The following ARHGAP39 variants were observed in gnomAD, a reference collection of about 807,000 sequenced individuals.
ARHGAP39 encodes Rho GTPase activating protein 39, also known as rho GTPase-activating protein 39.
ARHGAP39 carries 44 observed loss-of-function variants against 106.9 expected under a neutral mutation model. The observed-to-expected ratio is 0.41, with a 90% CI of 0.32 to 0.53. The LOEUF is 0.53. Among genes scored for constraint, ARHGAP39 ranks in the 20% least tolerant of loss-of-function variants. The pLI, the probability that ARHGAP39 is intolerant of heterozygous loss-of-function variation, is 0.21. For synonymous variants in ARHGAP39, 768 were observed against 693.2 expected, an observed-to-expected ratio of 1.11 and a Z score of -1.69; for missense variants, 1,496 against 1,577.3, an observed-to-expected ratio of 0.95 and a Z score of 0.87.
rs1384720071 is a variant in ARHGAP39, at chr8:144,547,794, G to A, written c.1292C>T (p.Pro431Leu). ...CTGGTCCCTCAGCAGGCAGGGGCTG[G>A]GCTGCAAGGAGTACGAACCACCGCC... ...NPGGGSYSLQ[P>L]SPCLLRDQRL... is the part of the protein sequence containing the mutation. Residue 431 changes from proline to leucine, a missense_variant, in exon 5 of 12, where the codon CCC becomes CTC. Pro to Leu is a moderately conservative substitution (Grantham distance 98, BLOSUM62 -3). Coordinates refer to ENST00000377307, the MANE Select transcript of ARHGAP39 (RefSeq NM_025251.3). This position sits in a 1 kb window ranked among gnomAD's most constrained non-coding sequence, Gnocchi z 5.2. 2 of 1,595,898 alleles carry A rather than the reference G, an allele frequency of 1.3e-6. No homozygotes were observed. The highest frequency in any genetic ancestry group is 1.7e-6 in the Non-Finnish European group (2 of 1,175,596).
intron 2 of ARHGAP39, 38 bp from the exon 3 acceptor site, chr8:144,581,315 C>T (rs1390736199): frequency 2.7e-6 from 4 of 1,506,106 alleles, no homozygotes; most frequent in African/African-American, 1.4e-5. Flanking sequence ...GGAGCCACGG[C>T]GGCCTGGGCC....
intron 2 of ARHGAP39, among the ~76,000 whole-genome samples, chr8:144,601,327 C>CAT (rs1819922972): frequency 9.6e-6 from 1 of 104,406 alleles, no homozygotes; most frequent in African/African-American, 3.8e-5. Flanking sequence ...TGTGTGGAGG[C>CAT]GTGTGTGTGC....
chr8:144,595,453 G>A (rs1238584108), intron 2 of ARHGAP39, among the ~76,000 whole-genome samples: 2 of 152,216 alleles, frequency 1.3e-5, no homozygotes, highest in African/African-American at 4.8e-5. Context: ...CTTCTCTGTG[G>A]GAGGTGGATG....
chr8:144,661,444 G>C lies in ARHGAP39; in HGVS notation c.-82+24242C>G, dbSNP rs555558141. ...ATAGTCTCAACTCTCTTGGGCCCATGCTTACCTGGCAAACACCTGTGGTTA... is the reference window on the plus strand; with the variant it reads ...ATAGTCTCAACTCTCTTGGGCCCATCCTTACCTGGCAAACACCTGTGGTTA... On this transcript the variant is annotated intron_variant, in intron 1 of 11. Transcript: ENST00000377307. Among the ~76,000 whole-genome samples, 142 of 152,254 alleles carry C rather than the reference G, an allele frequency of 9.3e-4. 1 individual carries two copies. The highest frequency in any genetic ancestry group is 3.0e-3 in the African/African-American group (123 of 41,538).
At position 144,684,056 on chromosome 8, in the gene ARHGAP39, CACAAAGCCAGTAA is replaced by C. The variant is rs1466272656; in HGVS notation, c.-82+1617_-82+1629del. 6.6e-6 allele frequency among the ~76,000 whole-genome samples: 1 copy of C among 152,216 alleles called. No homozygotes were observed. Among genetic ancestry groups the C allele is most frequent in the Non-Finnish European group, 1.5e-5 (1 of 68,042 alleles). On this transcript the variant is annotated intron_variant, in intron 1 of 11. Transcript: ENST00000377307. This position sits in a 1 kb window ranked among gnomAD's most constrained non-coding sequence, Gnocchi z 4.4. ...AAGGCACAGAGACCTTGCCGAAGAC[CACAAAGCCAGTAA>C]ACAGAAGAGTCGCGACTCAGAGGCG...
At chr8:144,584,241 C>G (rs1164241087) in intron 2 of ARHGAP39, 3 of 145,644 alleles carry the variant, frequency 2.1e-5, no homozygotes, top group African/African-American at 7.6e-5. Flanking sequence ...GAGTTTGAGA[C>G]CAGCCTGGGC....
rs557226528 is a variant in ARHGAP39 at position 144,534,319 on chromosome 8, G to C, written c.2615-117C>G. ...TGGGGGGCTGGGCTGGCCTTGCCCC[G>C]GTCACCCCCTGCCCAGCACAGCGGG... On this transcript the variant is annotated intron_variant, in intron 7 of 11. Transcript: ENST00000377307. 5 of 1,108,246 alleles carry C rather than the reference G, an allele frequency of 4.5e-6. 1 individual carries two copies. The highest frequency in any genetic ancestry group is 5.4e-6 in the Non-Finnish European group (4 of 744,762). The allele number at this position is 1,108,246 out of a possible 1,614,324, so 68.7% of individuals were successfully genotyped here.
chr8:144,685,498 A>C (rs1389606899), intron 1 of ARHGAP39, among the ~76,000 whole-genome samples, 188 bp downstream of exon 1: 5 of 50,314 alleles, frequency 9.9e-5, no homozygotes, highest in South Asian at 6.8e-4. Flanking sequence ...CCGCACACCC[A>C]CGCCCCCTCC....
At chr8:144,651,730 A>T (rs897056530) in intron 1 of ARHGAP39, among the ~76,000 whole-genome samples, 12 of 152,116 alleles carry the variant, frequency 7.9e-5, no homozygotes, top group Non-Finnish European at 1.2e-4. Flanking sequence ...ATAAATACAT[A>T]CATTCATATG....
chr8:144,598,020 C>A (rs2130925203), intron 2 of ARHGAP39, among the ~76,000 whole-genome samples: 1 of 152,324 alleles, frequency 6.6e-6, no homozygotes, highest in Non-Finnish European at 1.5e-5. Context: ...CTCAAACCCA[C>A]CAGGTAGGAA....
intron 1 of ARHGAP39, 100 bp from the exon 2 acceptor site, chr8:144,605,795 G>T: frequency 1.5e-6 from 1 of 656,454 alleles, no homozygotes; most frequent in Non-Finnish European, 2.7e-6. Flanking sequence ...GCAGGATGAC[G>T]ATGGACTCCA....
At chr8:144,613,472 T>C (rs757049226) in intron 1 of ARHGAP39, among the ~76,000 whole-genome samples, 14 of 152,120 alleles carry the variant, frequency 9.2e-5, no homozygotes, top group Non-Finnish European at 1.6e-4. Flanking sequence ...TATTTAGGTA[T>C]AGAATTCTTG....
chr8:144,530,364 G>T lies in ARHGAP39; in HGVS notation c.*58C>A. 1 of 1,509,922 alleles carries T rather than the reference G, an allele frequency of 6.6e-7. No individual in the cohort carries two copies. Among genetic ancestry groups the T allele is most frequent in the Non-Finnish European group, 9.0e-7 (1 of 1,116,790 alleles). The allele number at this position is 1,509,922 out of a possible 1,614,324, so 93.5% of individuals were successfully genotyped here. A position where few individuals can be genotyped will look rare whatever the true frequency, so the allele number is the denominator to read the frequency against. On this transcript the variant is annotated 3_prime_UTR_variant, in exon 12 of 12. Coordinates refer to ENST00000377307, the MANE Select transcript of ARHGAP39 (RefSeq NM_025251.3). ...TGGCCCCTCTGCCGGGAGAGCGAGT[G>T]CGGAGTTCGGCCTGGCTGGGGGCGG...
At chr8:144,676,260 T>G (rs1255087779) in intron 1 of ARHGAP39, among the ~76,000 whole-genome samples, 1 of 152,238 alleles carries the variant, frequency 6.6e-6, no homozygotes, top group African/African-American at 2.4e-5. Flanking sequence ...TTTGACAGGG[T>G]GCTGATTAGT....
intron 4 of ARHGAP39, among the ~76,000 whole-genome samples, chr8:144,551,572 C>A (rs542149442): frequency 1.6e-4 from 24 of 152,200 alleles, no homozygotes; most frequent in Non-Finnish European, 2.5e-4. Flanking sequence ...CCACGCCCCA[C>A]GGCGCCCAGA....
intron 1 of ARHGAP39, among the ~76,000 whole-genome samples, chr8:144,674,648 T>C (rs1404018019): frequency 6.6e-6 from 1 of 152,182 alleles, no homozygotes; most frequent in Non-Finnish European, 1.5e-5. Flanking sequence ...CAGGAGCCTG[T>C]CTGCCTCCTG....
chr8:144,682,271 C>T (rs955288993), intron 1 of ARHGAP39, among the ~76,000 whole-genome samples: 12 of 131,396 alleles, frequency 9.1e-5, no homozygotes, highest in South Asian at 2.5e-4. Flanking sequence ...AAAAAAAGGC[C>T]GGGCGCGGTG....
chr8:144,552,033 G>A (rs1004135729), intron 4 of ARHGAP39, among the ~76,000 whole-genome samples: 3 of 152,226 alleles, frequency 2.0e-5, no homozygotes, highest in South Asian at 2.1e-4. Flanking sequence ...CACCAGAGCA[G>A]AGAGACCATC....
chr8:144,573,578 A>C (rs1298315752), intron 3 of ARHGAP39, among the ~76,000 whole-genome samples: 2 of 152,264 alleles, frequency 1.3e-5, no homozygotes. Context: ...CACGTTGTGC[A>C]CATGTACCCT....
Sources: gnomAD v4.1 joint callset for allele counts (sites outside exome capture counted in the v4.1 genomes callset) on GRCh38, gnomAD v4.1.1 for gene constraint, Gnocchi (gnomAD v3.1) non-coding constraint, MANE v1.5 for transcripts, NCBI Gene and HGNC (gene_info 2026-07-23, HGNC 2026-07-21) for gene names.